ZC3H13: variants seen among roughly 807,000 people sequenced by gnomAD.
ZC3H13 encodes zinc finger CCCH-type containing 13.
In ZC3H13, 64 loss-of-function variants were observed where a neutral mutation model predicts 204.1. The ratio of observed to expected loss-of-function variants is 0.31; its 90% CI spans 0.26 to 0.39. The LOEUF is 0.39. Among genes scored for constraint, ZC3H13 ranks in the 10% least tolerant of loss-of-function variants. ZC3H13 has a pLI of 1.00. For synonymous variants in ZC3H13, 667 were observed against 693.7 expected (o/e 0.96, Z 0.60); for missense variants, 1,833 against 2,082.7 (o/e 0.88, Z 2.33).
At chr13:46,035,429 T>G (rs2043153197) in intron 4 of ZC3H13, among the ~76,000 whole-genome samples, 1 of 152,220 alleles carries the variant, frequency 6.6e-6, no homozygotes, top group Non-Finnish European at 1.5e-5. Context: ...AGAATACATC[T>G]GCAGATCATA....
At chr13:46,010,733 A>G (rs1422500211) in intron 6 of ZC3H13, among the ~76,000 whole-genome samples, 1 of 150,650 alleles carries the variant, frequency 6.6e-6, no homozygotes, top group African/African-American at 2.5e-5. Flanking sequence ...CCTATCTCTT[A>G]TACAAAAAAA....
At chr13:46,020,591 T>C (rs760301640) in intron 4 of ZC3H13, 34 bp from the exon 5 acceptor site, 4 of 1,407,226 alleles carry the variant, frequency 2.8e-6, no homozygotes, top group East Asian at 4.7e-5. Context: ...CAGATTACTA[T>C]ATTTTTAAAA....
In ZC3H13 at chr13:45,956,061, G is replaced by T. The variant is rs1186544835; in HGVS notation, c.*1066C>A. The T allele has an allele frequency of 1.3e-5, 2 of 152,040 alleles. No individual in the cohort carries two copies. The highest frequency in any genetic ancestry group is 2.9e-5 in the Non-Finnish European group (2 of 67,996). The allele number at this position is 152,040 out of a possible 1,614,324, so 9.4% of individuals were successfully genotyped here. The stretch of plus-strand genomic sequence containing the variant: ...ATCCTTCTAAGAGTCCACTTCATGA[G>T]TTAAACATATACATATAGAACAAAG... On this transcript the variant is annotated 3_prime_UTR_variant, in exon 19 of 19. Coordinates refer to ENST00000679008, the MANE Select transcript of ZC3H13 (RefSeq NM_001330564.2).
Position 46,052,528 on chromosome 13 carries a change from G to T in ZC3H13, c.-134C>A. The T allele has an allele frequency of 2.5e-6, 1 of 398,692 alleles. No individual in the cohort carries two copies. The highest frequency in any genetic ancestry group is 4.4e-6 in the Non-Finnish European group (1 of 226,156). 24.7% of individuals were successfully genotyped at this position (398,692 alleles called of 1,614,324 possible). ...AGGAGGACGACGACGAGGAGAAAGC[G>T]ATGCGCGCGCGGCTCCCGGGAACCG... On this transcript the variant is annotated 5_prime_UTR_variant, in exon 1 of 19. Coordinates refer to ENST00000679008, the MANE Select transcript of ZC3H13 (RefSeq NM_001330564.2).
chr13:46,028,327 A>T (rs2042668610), intron 4 of ZC3H13, among the ~76,000 whole-genome samples: 1 of 152,212 alleles, frequency 6.6e-6, no homozygotes. Context: ...AAAATACCTG[A>T]GGCAAAAACC....
chr13:45,993,965 T>C (rs1298517876), intron 8 of ZC3H13, among the ~76,000 whole-genome samples: 1 of 152,244 alleles, frequency 6.6e-6, no homozygotes, highest in East Asian at 1.9e-4. Flanking sequence ...GATTTCATTT[T>C]TGCATGCACA....
intron 8 of ZC3H13, among the ~76,000 whole-genome samples, chr13:45,997,720 T>C (rs1186227413): frequency 6.6e-6 from 1 of 152,166 alleles, no homozygotes; most frequent in Non-Finnish European, 1.5e-5. Context: ...CTATGCCATG[T>C]GTATGCACAC....
chr13:45,980,088 A>T, intron 10 of ZC3H13, 84 bp from the exon 11 acceptor site: 1 of 1,123,470 alleles, frequency 8.9e-7, no homozygotes, highest in Non-Finnish European at 1.2e-6. Flanking sequence ...CCTCCTAAAC[A>T]TCACTAATAT....
intron 8 of ZC3H13, among the ~76,000 whole-genome samples, chr13:45,990,344 T>C (rs2039882534): frequency 6.6e-6 from 1 of 152,074 alleles, no homozygotes; most frequent in Non-Finnish European, 1.5e-5. Flanking sequence ...GTAAACCTTT[T>C]ATCAAAAAAA....
At chr13:45,993,662 C>T (rs1287703607) in intron 8 of ZC3H13, among the ~76,000 whole-genome samples, 2 of 152,146 alleles carry the variant, frequency 1.3e-5, no homozygotes, top group Admixed American at 6.6e-5. Flanking sequence ...AGATCTTACT[C>T]GTCTAAATAA....
chr13:45,986,909 T>C (rs1254730989), intron 9 of ZC3H13, among the ~76,000 whole-genome samples: 1 of 152,084 alleles, frequency 6.6e-6, no homozygotes. Context: ...CAATAACCTA[T>C]CTCCCCCACC....
chr13:45,995,187 T>C (rs988083419), intron 8 of ZC3H13, among the ~76,000 whole-genome samples: 4 of 152,114 alleles, frequency 2.6e-5, no homozygotes, highest in African/African-American at 9.7e-5. Flanking sequence ...TGGAATAGGA[T>C]TAAACTTCCG....
chr13:46,037,314 T>G (rs188233180), intron 4 of ZC3H13, among the ~76,000 whole-genome samples: 1 of 152,174 alleles, frequency 6.6e-6, no homozygotes, highest in African/African-American at 2.4e-5. Context: ...AGGTAAGCAA[T>G]ACTCATAGGG....
intron 4 of ZC3H13, among the ~76,000 whole-genome samples, chr13:46,033,023 C>A (rs2042995529): frequency 6.6e-6 from 1 of 151,834 alleles, no homozygotes; most frequent in Non-Finnish European, 1.5e-5. Flanking sequence ...AGCCGGATTA[C>A]CCAAAAACTA....
At chr13:46,043,678 AC>A (rs2043743534) in intron 3 of ZC3H13, among the ~76,000 whole-genome samples, 1 of 152,008 alleles carries the variant, frequency 6.6e-6, no homozygotes, top group Admixed American at 6.6e-5. Context: ...AAAAAAATGC[AC>A]AAATACGAAA....
chr13:46,039,533 A>C (rs2043429370), intron 4 of ZC3H13, among the ~76,000 whole-genome samples: 1 of 152,208 alleles, frequency 6.6e-6, no homozygotes, highest in Non-Finnish European at 1.5e-5. Flanking sequence ...AACAATTCCT[A>C]AAGTAATATG....
chr13:46,001,517 T>C (rs2040741999), intron 8 of ZC3H13: 1 of 152,238 alleles, frequency 6.6e-6, no homozygotes, highest in African/African-American at 2.4e-5. Context: ...CAGATTTGTC[T>C]ACATACTAAA....
At chr13:46,009,608 A>AT (rs11432565) in intron 7 of ZC3H13, among the ~76,000 whole-genome samples, 36,928 of 151,734 alleles carry the variant, frequency 0.24, 4,969 homozygotes, top group South Asian at 0.32. Flanking sequence ...TTTTTAGTTC[A>AT]TTTTTTTTAA....
At chr13:46,015,642 T>C (rs1282648369) in intron 5 of ZC3H13, among the ~76,000 whole-genome samples, 2 of 152,076 alleles carry the variant, frequency 1.3e-5, no homozygotes, top group South Asian at 2.1e-4. Context: ...GATGAACAAA[T>C]ACAAGAAGTT....
Sources: allele counts gnomAD v4.1 joint callset (sites outside exome capture counted in the v4.1 genomes callset), GRCh38; gene constraint gnomAD v4.1.1; transcripts MANE v1.5; gene names NCBI Gene and HGNC (gene_info 2026-07-23, HGNC 2026-07-21).